Variants in WWOX observed in about 807,000 individuals in gnomAD.
The protein encoded by WWOX is WW domain-containing oxidoreductase.
WWOX carries 69 observed loss-of-function variants against 46.2 expected under a neutral mutation model. That is an observed-to-expected ratio of 1.49 (90% CI 1.23 to 1.82). The LOEUF is 1.82. Ranked by LOEUF, WWOX falls within the 40% of genes most tolerant of loss-of-function variation. The probability of loss-of-function intolerance (pLI) is 0.00; values close to 1 mark genes in which losing one functional copy is unlikely to be tolerated. For synonymous variants in WWOX, 359 were observed against 202.6 expected (o/e 1.77, Z -6.56); for missense variants, 919 against 542.6 (o/e 1.69, Z -6.89).
chr16:78,248,602 G>A (rs7200650), intron 5 of WWOX, among the ~76,000 whole-genome samples: 270 of 151,982 alleles, frequency 1.8e-3, no homozygotes, highest in African/African-American at 6.3e-3. Context: ...CAGGCGTGGC[G>A]GCACATACCT....
chr16:78,121,482 A>C (rs1444715593), intron 4 of WWOX, among the ~76,000 whole-genome samples: 2 of 152,228 alleles, frequency 1.3e-5, no homozygotes, highest in African/African-American at 4.8e-5. Flanking sequence ...TCACGTGATC[A>C]AAGTATTTGA....
intron 8 of WWOX, among the ~76,000 whole-genome samples, chr16:78,547,916 C>G (rs1454810492): frequency 6.6e-6 from 1 of 152,076 alleles, no homozygotes; most frequent in Non-Finnish European, 1.5e-5. Flanking sequence ...CTTTGGGAGG[C>G]TGAGATGGGC....
rs182214653 is a variant in WWOX, at chr16:78,658,831, C to G, written c.1056+226079C>G. Among the ~76,000 whole-genome samples the G allele has an allele frequency of 1.0e-3, 155 of 151,896 alleles. 2 individuals are homozygous for G. The highest frequency in any genetic ancestry group is 3.7e-3 in the African/African-American group (152 of 41,436). On this transcript the variant is annotated intron_variant, in intron 8 of 8. Coordinates refer to ENST00000566780, the MANE Select transcript of WWOX (RefSeq NM_016373.4). ...CTAGGGCTGGGCACGGTGGCTCATGCCTGTAATCCCAGAATTTTGGGAGGC... is the reference window on the plus strand; with the variant it reads ...CTAGGGCTGGGCACGGTGGCTCATGGCTGTAATCCCAGAATTTTGGGAGGC...
chr16:78,123,900 GTA>G (rs1233957858), intron 4 of WWOX: 2 of 152,110 alleles, frequency 1.3e-5, no homozygotes, highest in East Asian at 1.9e-4. Context: ...GCTCAGTACA[GTA>G]TATGTTTCTT....
At position 78,511,698 on chromosome 16, in the gene WWOX, A is replaced by G. The variant is rs116024457; in HGVS notation, c.1056+78946A>G. ...AGTACCCCCCGCCTAGGGTGCTGCT[A>G]ATAAAATGCCACAGATAGTCTGGGA... On this transcript the variant is annotated intron_variant, in intron 8 of 8. Coordinates refer to ENST00000566780, the MANE Select transcript of WWOX (RefSeq NM_016373.4). Among the ~76,000 whole-genome samples the G allele has an allele frequency of 1.1e-3, 173 of 152,316 alleles. 2 individuals are homozygous for G. Among genetic ancestry groups the G allele is most frequent in the African/African-American group, 3.9e-3 (164 of 41,578 alleles).
At chr16:78,905,419 C>T (rs754764387) in intron 8 of WWOX, among the ~76,000 whole-genome samples, 2 of 152,174 alleles carry the variant, frequency 1.3e-5, no homozygotes, top group Non-Finnish European at 2.9e-5. Context: ...TTCACTCTGT[C>T]AGCCAGGCTG....
chr16:78,263,776 G>C (rs779904167), intron 5 of WWOX, among the ~76,000 whole-genome samples: 9 of 152,290 alleles, frequency 5.9e-5, no homozygotes, highest in Admixed American at 2.0e-4. Context: ...CCTGGAGTAA[G>C]TAGAAAGGAT....
chr16:78,240,027 G>A (rs1203848122), intron 5 of WWOX, among the ~76,000 whole-genome samples: 1 of 151,938 alleles, frequency 6.6e-6, no homozygotes, highest in Non-Finnish European at 1.5e-5. Context: ...GGTAGTGGGT[G>A]GAATAGCGTC....
At chr16:79,101,806 C>T (rs1187057305) in intron 8 of WWOX, 1 of 148,476 alleles carries the variant, frequency 6.7e-6, no homozygotes, top group Non-Finnish European at 1.5e-5. Flanking sequence ...ATAGTTTTTT[C>T]TAGAGGTAGG....
intron 8 of WWOX, among the ~76,000 whole-genome samples, chr16:78,810,085 C>G (rs1380818922): frequency 6.6e-6 from 1 of 152,120 alleles, no homozygotes; most frequent in Admixed American, 6.5e-5. Flanking sequence ...TGGAAATTTC[C>G]AGACCTAAAC....
rs544857523 is a variant in WWOX, at chr16:78,566,437, A to C, written c.1056+133685A>C. Among the ~76,000 whole-genome samples, 3 of 152,298 alleles carry C rather than the reference A, an allele frequency of 2.0e-5. No individual in the cohort carries two copies. In the East Asian group the frequency reaches 5.8e-4, roughly 29 times the overall value. On this transcript the variant is annotated intron_variant, in intron 8 of 8. Transcript: ENST00000566780. The stretch of plus-strand genomic sequence containing the variant: ...CCTCTGGCTTTCTGAGTTCTGCCAA[A>C]AACCAAGTTTTGCTGCCTTGGGCCT...
intron 8 of WWOX, among the ~76,000 whole-genome samples, chr16:78,605,481 T>G (rs187791132): frequency 1.1e-3 from 175 of 152,284 alleles, no homozygotes; most frequent in African/African-American, 4.0e-3. Flanking sequence ...TTTTTTTTCT[T>G]TCCCTTGGCC....
intron 8 of WWOX, among the ~76,000 whole-genome samples, chr16:78,921,386 C>T (rs192921495): frequency 8.2e-4 from 125 of 152,280 alleles, no homozygotes; most frequent in Non-Finnish European, 1.6e-3. Context: ...ACTCACTGGT[C>T]ATGGGGAGTA....
intron 8 of WWOX, among the ~76,000 whole-genome samples, chr16:78,867,851 C>A (rs926062311): frequency 6.6e-6 from 1 of 152,154 alleles, no homozygotes; most frequent in Non-Finnish European, 1.5e-5. Context: ...CATGACATGC[C>A]TACTAGCTTA....
rs59419812 is a variant in WWOX at position 78,498,214 on chromosome 16, A to AAAAAAAAAAAAAG, written c.1056+65466_1056+65467insAAAAAAAAGAAAA. Among the ~76,000 whole-genome samples the AAAAAAAAAAAAAG allele has an allele frequency of 1.2e-4, 15 of 128,216 alleles. 1 individual carries two copies. The highest frequency in any genetic ancestry group is 1.8e-4 in the Admixed American group (2 of 11,188). 84.1% of individuals were successfully genotyped at this position (128,216 alleles called of 152,430 possible). A position where few individuals can be genotyped will look rare whatever the true frequency, so the allele number is the denominator to read the frequency against. On this transcript the variant is annotated intron_variant, in intron 8 of 8. Coordinates refer to ENST00000566780, the MANE Select transcript of WWOX (RefSeq NM_016373.4). ...AGCAAGACTCCATCTCAAAAAAAAA[A>AAAAAAAAAAAAAG]AAAAGAAAAAAAAGCATCAGGGTTG... is the stretch of plus-strand genomic sequence containing the variant.
chr16:78,172,832 AAG>A (rs2035207340), intron 5 of WWOX, among the ~76,000 whole-genome samples: 1 of 152,182 alleles, frequency 6.6e-6, no homozygotes, highest in South Asian at 2.1e-4. Flanking sequence ...ACATAGTTTG[AAG>A]AGACGGATTT....
At chr16:78,855,902 C>G (rs999563184) in intron 8 of WWOX, among the ~76,000 whole-genome samples, 1 of 152,132 alleles carries the variant, frequency 6.6e-6, no homozygotes, top group Non-Finnish European at 1.5e-5. Context: ...TCATGTAACT[C>G]GAAGTCTTTT....
intron 8 of WWOX, among the ~76,000 whole-genome samples, chr16:78,966,360 G>A (rs2046363177): frequency 6.6e-6 from 1 of 152,058 alleles, no homozygotes; most frequent in Non-Finnish European, 1.5e-5. Flanking sequence ...CCCCTATCCT[G>A]GCATCTAAAC....
intron 8 of WWOX, among the ~76,000 whole-genome samples, chr16:78,941,250 G>A (rs760367128): frequency 1.3e-5 from 2 of 152,092 alleles, no homozygotes; most frequent in African/African-American, 2.4e-5. Context: ...TTGGTTCTGC[G>A]GTCGCTTGGA....
Sources: allele counts gnomAD v4.1 joint callset (sites outside exome capture counted in the v4.1 genomes callset), GRCh38; gene constraint gnomAD v4.1.1; transcripts MANE v1.5; gene names NCBI Gene and HGNC (gene_info 2026-07-23, HGNC 2026-07-21).